Variants in KANK1 observed in about 807,000 individuals in gnomAD.
The protein encoded by KANK1 is KN motif and ankyrin repeat domain-containing protein 1.
KANK1 carries 109 observed loss-of-function variants against 106.2 expected under a neutral mutation model. The ratio of observed to expected loss-of-function variants is 1.03; its 90% CI spans 0.88 to 1.20. KANK1 has a LOEUF of 1.20. Among genes scored for constraint, KANK1 ranks in the 50% most tolerant of loss-of-function variants. The probability of loss-of-function intolerance (pLI) is 0.00; values close to 1 mark genes in which losing one functional copy is unlikely to be tolerated. For synonymous variants in KANK1, 873 were observed against 652.2 expected (o/e 1.34, Z -5.16); for missense variants, 2,399 against 1,710.7 (o/e 1.40, Z -7.10).
intron 3 of KANK1, among the ~76,000 whole-genome samples, chr9:498,130 T>C: frequency 6.6e-6 from 1 of 152,168 alleles, no homozygotes; most frequent in East Asian, 1.9e-4. Context: ...TGCAACTTAA[T>C]GAAAGAGGCA....
chr9:636,012 G>T (rs868361202), intron 1 of KANK1, among the ~76,000 whole-genome samples: 5 of 152,068 alleles, frequency 3.3e-5, no homozygotes, highest in African/African-American at 9.7e-5. Flanking sequence ...CAGTTTCTGC[G>T]TGGTACATAT....
chr9:547,144 C>A (rs539749618), intron 1 of KANK1, among the ~76,000 whole-genome samples: 3 of 152,182 alleles, frequency 2.0e-5, no homozygotes, highest in Non-Finnish European at 4.4e-5. Flanking sequence ...CATTGCAGCA[C>A]GAGAGTCCCT....
chr9:648,922 T>A (rs969561121), intron 1 of KANK1, among the ~76,000 whole-genome samples: 6 of 152,210 alleles, frequency 3.9e-5, no homozygotes, highest in Non-Finnish European at 8.8e-5. Context: ...TACTTGCATG[T>A]CAATTGCAGT....
chr9:701,570 G>A (rs1262018868), intron 2 of KANK1, among the ~76,000 whole-genome samples: 1 of 152,148 alleles, frequency 6.6e-6, no homozygotes, highest in Non-Finnish European at 1.5e-5. Flanking sequence ...CAAAATGTGT[G>A]CAGCAGCTCT....
intron 1 of KANK1, among the ~76,000 whole-genome samples, chr9:592,320 C>G (rs1202781203): frequency 6.6e-6 from 1 of 151,860 alleles, no homozygotes; most frequent in East Asian, 1.9e-4. Flanking sequence ...ACTGCTCTTT[C>G]CCAGGGAGCA....
chr9:711,296 G>A lies in KANK1; in HGVS notation c.530G>A (p.Gly177Asp). ...AGAGCCACCATGCAGATGACACCGG[G>A]TGAGTTCAGAAGGCCCAGGCTGGCC... ...QERATMQMTP[G>D]EFRRPRLASF... Residue 177 changes from glycine (G) to aspartate (D), a missense_variant, in exon 3 of 12, where the codon GGT (glycine) becomes GAT (aspartate). Transcript: ENST00000382297. The A allele has an allele frequency of 1.9e-6, 3 of 1,614,184 alleles. No individual in the cohort carries two copies. Among genetic ancestry groups the A allele is most frequent in the Non-Finnish European group, 2.5e-6 (3 of 1,180,040 alleles).
At chr9:663,820 C>T (rs1194632527) in intron 1 of KANK1, among the ~76,000 whole-genome samples, 2 of 152,274 alleles carry the variant, frequency 1.3e-5, no homozygotes, top group African/African-American at 2.4e-5. Context: ...CCCTTGTGTA[C>T]ACTCTTGGAA....
At chr9:506,294 G>C (rs941368383) in intron 1 of KANK1, among the ~76,000 whole-genome samples, 5 of 152,180 alleles carry the variant, frequency 3.3e-5, no homozygotes, top group Non-Finnish European at 7.3e-5. Flanking sequence ...TTGGGGAAAG[G>C]TGCTGCTGAA....
intron 1 of KANK1, among the ~76,000 whole-genome samples, chr9:507,758 A>G (rs947517042): frequency 5.3e-5 from 8 of 151,970 alleles, no homozygotes; most frequent in South Asian, 2.1e-4. Flanking sequence ...GGGTTTCACT[A>G]TGTTGGCCAG....
intron 2 of KANK1, chr9:693,840 G>T: frequency 2.0e-6 from 2 of 981,474 alleles, no homozygotes; most frequent in Non-Finnish European, 1.2e-6. Context: ...ATGTTTGGGT[G>T]GGGGTTGGTG....
chr9:578,269 C>G (rs1019290461), intron 1 of KANK1, among the ~76,000 whole-genome samples: 5 of 152,028 alleles, frequency 3.3e-5, no homozygotes, highest in Admixed American at 6.6e-5. Context: ...CTTTATATAT[C>G]TAGATACCAA....
intron 3 of KANK1, among the ~76,000 whole-genome samples, chr9:713,785 C>T (rs577395321): frequency 6.7e-6 from 1 of 149,816 alleles, no homozygotes; most frequent in South Asian, 2.2e-4. Context: ...CAGTTATTTA[C>T]TTGCTCATTA....
At chr9:620,590 A>G (rs1456381895) in intron 1 of KANK1, among the ~76,000 whole-genome samples, 5 of 151,976 alleles carry the variant, frequency 3.3e-5, no homozygotes, top group African/African-American at 1.2e-4. Flanking sequence ...TTTTTTTAGT[A>G]GAGATGGGGT....
chr9:738,456 A>G lies in KANK1; in HGVS notation c.3505A>G (p.Ser1169Gly), dbSNP rs1241298939. Residue 1169 changes from serine to glycine, a missense_variant, in exon 8 of 12, where the codon AGC (serine) becomes GGC (glycine). Coordinates refer to ENST00000382297, the MANE Select transcript of KANK1 (RefSeq NM_015158.5). The part of the protein sequence containing the change: ...DGNGNTALHY[S>G]VSHSNFEIVK... ...CAACGGCAACACAGCCCTCCATTAC[A>G]GCGTGTCCCACTCCAACTTCGAGAT... The G allele has an allele frequency of 1.2e-6, 2 of 1,614,126 alleles. No individual in the cohort carries two copies. The highest frequency in any genetic ancestry group is 1.7e-5 in the Admixed American group (1 of 60,010).
rs1165412775 is a variant in KANK1, at chr9:726,096, C to G, written c.2699-3955C>G. Among the ~76,000 whole-genome samples, 3 of 152,166 alleles carry G rather than the reference C, an allele frequency of 2.0e-5. No homozygotes were observed. In the East Asian group the frequency reaches 5.8e-4, roughly 29 times the overall value. ...ATACATATGTAAATATAATTATTTA[C>G]TAATGCCAGTAGGCAGCAATGAGAA... On this transcript the variant is annotated intron_variant, in intron 3 of 11. Transcript: ENST00000382297.
Position 738,272 on chromosome 9 carries a change from G to A in KANK1, c.3334-13G>A, listed in dbSNP as rs767117127. 5.0e-6 allele frequency: 8 copies of A among 1,604,634 alleles called. No individual in the cohort carries two copies. In the African/African-American group the frequency reaches 9.4e-5, roughly 19 times the overall value. On this transcript the variant is annotated splice_polypyrimidine_tract_variant and intron_variant, in intron 7 of 11. Coordinates refer to ENST00000382297, the MANE Select transcript of KANK1 (RefSeq NM_015158.5). ...TAAATAGAAGAACTAACGACCACTT[G>A]GTGTTTTGGCAGAGGTTCTGTCTGA...
chr9:686,879 G>A, intron 2 of KANK1: 3 of 985,370 alleles, frequency 3.0e-6, no homozygotes, highest in Non-Finnish European at 3.6e-6. Flanking sequence ...TCAGGACACT[G>A]ATTGTAAATG....
chr9:634,602 T>C (rs1836623514), intron 1 of KANK1, among the ~76,000 whole-genome samples: 1 of 152,176 alleles, frequency 6.6e-6, no homozygotes, highest in Non-Finnish European at 1.5e-5. Flanking sequence ...TTTATTAGTC[T>C]TACAAAGGCA....
intron 3 of KANK1, among the ~76,000 whole-genome samples, chr9:714,093 A>C (rs1827006216): frequency 6.6e-6 from 1 of 151,986 alleles, no homozygotes; most frequent in Admixed American, 6.6e-5. Context: ...ATGAAGTAAA[A>C]ATCATTATTA....
Sources: allele counts gnomAD v4.1 joint callset (sites outside exome capture counted in the v4.1 genomes callset), GRCh38; gene constraint gnomAD v4.1.1; transcripts MANE v1.5; gene names NCBI Gene and HGNC (gene_info 2026-07-23, HGNC 2026-07-21).